The following EFNA3 variants were observed in gnomAD, a reference collection of about 807,000 sequenced individuals.
EFNA3 encodes ephrin A3, also known as ephrin-A3.
Under a neutral mutation model 25.0 loss-of-function variants are expected in EFNA3, and 15 were observed. The observed-to-expected ratio is 0.60, with a 90% confidence interval of 0.40 to 0.92. The LOEUF is 0.92. EFNA3 is among the 40% of genes least tolerant of loss of function. EFNA3 has a pLI of 0.00. For synonymous variants in EFNA3, 153 were observed against 145.6 expected (o/e 1.05, Z -0.37); for missense variants, 298 against 323.8 (o/e 0.92, Z 0.61).
intron 1 of EFNA3, among the ~76,000 whole-genome samples, chr1:155,082,988 T>C (rs1663374312): frequency 6.6e-6 from 1 of 152,184 alleles, no homozygotes; most frequent in Non-Finnish European, 1.5e-5. Flanking sequence ...GGTCTTTCTC[T>C]CACATGCCCA....
chr1:155,086,279 C>A, intron 4 of EFNA3, 74 bp downstream of exon 4: 1 of 1,596,334 alleles, frequency 6.3e-7, no homozygotes, highest in Non-Finnish European at 8.6e-7. Context: ...GCTCACCTCG[C>A]ATGCCTTCCC....
At chr1:155,083,085 G>A (rs1402938158) in intron 1 of EFNA3, among the ~76,000 whole-genome samples, 2 of 152,150 alleles carry the variant, frequency 1.3e-5, no homozygotes, top group African/African-American at 4.8e-5. Flanking sequence ...TGGTCGCCCT[G>A]CAACCTTTTT....
In EFNA3 at chr1:155,081,129, T is replaced by TG. The variant is rs1325890696; in HGVS notation, c.128+2067dup. Among the ~76,000 whole-genome samples the TG allele has an allele frequency of 4.6e-5, 7 of 152,218 alleles. No individual in the cohort carries two copies. The highest frequency in any genetic ancestry group is 1.9e-4 in the East Asian group (1 of 5,184). Reference sequence around the variant, plus strand: ...GGGAGGGTCTTGCGACCCCGCCTCCTGGGGGGGTCACGTGCGTCGGCCTCC... The same window carrying TG: ...GGGAGGGTCTTGCGACCCCGCCTCCTGGGGGGGGTCACGTGCGTCGGCCTCC... On this transcript the variant is annotated intron_variant, in intron 1 of 4. Coordinates refer to ENST00000368408, the MANE Select transcript of EFNA3 (RefSeq NM_004952.5). This position sits in a 1 kb window ranked among gnomAD's most constrained non-coding sequence, Gnocchi z 5.2.
chr1:155,086,729 C>T lies in EFNA3; in HGVS notation c.*186C>T. On this transcript the variant is annotated 3_prime_UTR_variant, in exon 5 of 5. Transcript: ENST00000368408. ...CCCCCACGTAGGGCACTGTAGTGGA[C>T]CAAGCACGGGGACAGCCATGGGTCC... The T allele has an allele frequency of 1.4e-6, 1 of 711,886 alleles. No homozygotes were observed. Among genetic ancestry groups the T allele is most frequent in the Non-Finnish European group, 2.2e-6 (1 of 447,562 alleles). 44.1% of individuals were successfully genotyped at this position (711,886 alleles called of 1,614,324 possible). A position where few individuals can be genotyped will look rare whatever the true frequency, so the allele number is the denominator to read the frequency against.
At position 155,085,118 on chromosome 1, in the gene EFNA3, G is replaced by A. The variant is rs772767810; in HGVS notation, c.156G>A (p.Gln52=). The change falls in exon 2 of 5, where the codon CAG becomes CAA. Residue 52 remains glutamine, a synonymous_variant. Transcript: ENST00000368408. This position sits in a 1 kb window ranked among gnomAD's most constrained non-coding sequence, Gnocchi z 4.4. The part of the protein sequence containing the change: ...QHLRREGYTV[Q]VNVNDYLDIY... ...TGCGGCGAGAGGGCTACACCGTGCA[G>A]GTGAACGTGAACGACTATCTGGATA... 6.2e-7 allele frequency: 1 copy of A among 1,613,808 alleles called. No individual in the cohort carries two copies. The highest frequency in any genetic ancestry group is 8.5e-7 in the Non-Finnish European group (1 of 1,180,028).
rs535251626 is a variant in EFNA3 at position 155,081,701 on chromosome 1, G to C, written c.128+2632G>C. Among the ~76,000 whole-genome samples the C allele has an allele frequency of 1.1e-4, 17 of 151,948 alleles. No individual in the cohort carries two copies. The East Asian group carries it at 3.1e-3, about 28-fold the overall frequency. ...GTCTCCGCCGTCTGTGGGCCTCTCTGGCCTGCCTGTCTCTCCTGTTCTCCA... is the reference window on the plus strand; with the variant it reads ...GTCTCCGCCGTCTGTGGGCCTCTCTCGCCTGCCTGTCTCTCCTGTTCTCCA... On this transcript the variant is annotated intron_variant, in intron 1 of 4. Coordinates refer to ENST00000368408, the MANE Select transcript of EFNA3 (RefSeq NM_004952.5). This position sits in a 1 kb window ranked among gnomAD's most constrained non-coding sequence, Gnocchi z 5.2.
chr1:155,085,553 C>A lies in EFNA3; in HGVS notation c.442+149C>A. 1 of 1,004,634 alleles carries A rather than the reference C, an allele frequency of 1.0e-6. No individual in the cohort carries two copies. Among genetic ancestry groups the A allele is most frequent in the Non-Finnish European group, 1.4e-6 (1 of 704,750 alleles). 62.2% of individuals were successfully genotyped at this position (1,004,634 alleles called of 1,614,324 possible). ...AGGGAGGAGGCGTGGGCACGGGACG[C>A]CTGAGGGGTTCAGCTCAGACGAGGT... On this transcript the variant is annotated intron_variant, in intron 2 of 4. Coordinates refer to ENST00000368408, the MANE Select transcript of EFNA3 (RefSeq NM_004952.5). This position sits in a 1 kb window ranked among gnomAD's most constrained non-coding sequence, Gnocchi z 4.4.
At chr1:155,086,090 C>G in intron 3 of EFNA3, 38 bp from the exon 4 acceptor site, 1 of 1,598,130 alleles carries the variant, frequency 6.3e-7, no homozygotes. Flanking sequence ...GGCCCTGACT[C>G]TCCCCTCCTC....
chr1:155,081,597 C>A lies in EFNA3; in HGVS notation c.128+2528C>A, dbSNP rs1663343695. On this transcript the variant is annotated intron_variant, in intron 1 of 4. Coordinates refer to ENST00000368408, the MANE Select transcript of EFNA3 (RefSeq NM_004952.5). The surrounding 1 kb of genome is among the most constrained non-coding windows in gnomAD (Gnocchi z 5.2). ...CTACTACGTCCCTGATGGTCTTTCT[C>A]TGTGTTTTCTCCCAGTCTCTGAGTC... is the stretch of plus-strand genomic sequence containing the variant. Among the ~76,000 whole-genome samples the A allele has an allele frequency of 6.6e-6, 1 of 152,190 alleles. No homozygotes were observed. The highest frequency in any genetic ancestry group is 6.5e-5 in the Admixed American group (1 of 15,288).
intron 1 of EFNA3, among the ~76,000 whole-genome samples, chr1:155,084,867 T>G (rs1663419025): frequency 6.6e-6 from 1 of 152,090 alleles, no homozygotes; most frequent in South Asian, 2.1e-4. Context: ...TACCCTCTGG[T>G]GGCCAACAGG....
rs1409438524 is a variant in EFNA3, at chr1:155,080,798, C to T, written c.128+1729C>T. On this transcript the variant is annotated intron_variant, in intron 1 of 4. Transcript: ENST00000368408. The surrounding 1 kb of genome is among the most constrained non-coding windows in gnomAD (Gnocchi z 7.0). ...TTCTGTCCTCTCTACTCCGTGCGGG[C>T]CTGGGCCGGCAGAGGTAGGAGGGGG... Among the ~76,000 whole-genome samples, 2 of 152,190 alleles carry T rather than the reference C, an allele frequency of 1.3e-5. No homozygotes were observed. The highest frequency in any genetic ancestry group is 2.9e-5 in the Non-Finnish European group (2 of 68,018).
chr1:155,085,492 C>A lies in EFNA3; in HGVS notation c.442+88C>A. 7.0e-7 allele frequency: 1 copy of A among 1,427,194 alleles called. No homozygotes were observed. The highest frequency in any genetic ancestry group is 9.3e-7 in the Non-Finnish European group (1 of 1,080,736). 88.4% of individuals were successfully genotyped at this position (1,427,194 alleles called of 1,614,324 possible). On this transcript the variant is annotated intron_variant, in intron 2 of 4. Coordinates refer to ENST00000368408, the MANE Select transcript of EFNA3 (RefSeq NM_004952.5). This position sits in a 1 kb window ranked among gnomAD's most constrained non-coding sequence, Gnocchi z 4.4. The stretch of plus-strand genomic sequence containing the variant: ...GGAGCCCCTAGGCTCCGGGGCGGGG[C>A]CGGCGCGGCGGGCGCCAGGTCTCGC...
chr1:155,080,866 C>A lies in EFNA3; in HGVS notation c.128+1797C>A, dbSNP rs754043588. ...GGCTGCCGCCGCCCCCGCCTCGCTTCCCGGGCCTTTGTTGCCGCTGCGCCC... is the reference window on the plus strand; with the variant it reads ...GGCTGCCGCCGCCCCCGCCTCGCTTACCGGGCCTTTGTTGCCGCTGCGCCC... On this transcript the variant is annotated intron_variant, in intron 1 of 4. Transcript: ENST00000368408. This position sits in a 1 kb window ranked among gnomAD's most constrained non-coding sequence, Gnocchi z 7.0. Among the ~76,000 whole-genome samples, 1 of 152,174 alleles carries A rather than the reference C, an allele frequency of 6.6e-6. No homozygotes were observed. Among genetic ancestry groups the A allele is most frequent in the Non-Finnish European group, 1.5e-5 (1 of 68,000 alleles).
intron 1 of EFNA3, among the ~76,000 whole-genome samples, chr1:155,084,658 T>C (rs1201894987): frequency 6.6e-6 from 1 of 152,188 alleles, no homozygotes; most frequent in African/African-American, 2.4e-5. Flanking sequence ...ACGTTCACCC[T>C]TGGCTTCCAT....
Position 155,080,193 on chromosome 1 carries a change from A to G in EFNA3, c.128+1124A>G, listed in dbSNP as rs543659248. 8.7e-4 allele frequency among the ~76,000 whole-genome samples: 132 copies of G among 152,134 alleles called. No individual in the cohort carries two copies. The highest frequency in any genetic ancestry group is 2.9e-3 in the African/African-American group (122 of 41,488). On this transcript the variant is annotated intron_variant, in intron 1 of 4. Coordinates refer to ENST00000368408, the MANE Select transcript of EFNA3 (RefSeq NM_004952.5). The surrounding 1 kb of genome is among the most constrained non-coding windows in gnomAD (Gnocchi z 7.0). ...AGCACTGCCTCTGGCTGCCCACCCCAGGGACCGACCGACCAGGGAGCAAAT... is the reference window on the plus strand; with the variant it reads ...AGCACTGCCTCTGGCTGCCCACCCCGGGGACCGACCGACCAGGGAGCAAAT...
At position 155,079,178 on chromosome 1, in the gene EFNA3, G is replaced by C; in HGVS notation, c.128+109G>C. Reference sequence around the variant, plus strand: ...GGGGTGGGAGTCCTGGGAGACCAGAGCTGGGGGCTGGGAGGGGACGGAGAG... The same window carrying C: ...GGGGTGGGAGTCCTGGGAGACCAGACCTGGGGGCTGGGAGGGGACGGAGAG... On this transcript the variant is annotated intron_variant, in intron 1 of 4. Transcript: ENST00000368408. This position sits in a 1 kb window ranked among gnomAD's most constrained non-coding sequence, Gnocchi z 7.7. 1 of 1,196,444 alleles carries C rather than the reference G, an allele frequency of 8.4e-7. No homozygotes were observed. Among genetic ancestry groups the C allele is most frequent in the Non-Finnish European group, 1.1e-6 (1 of 937,088 alleles). 74.1% of individuals were successfully genotyped at this position (1,196,444 alleles called of 1,614,324 possible).
At position 155,086,164 on chromosome 1, in the gene EFNA3, C is replaced by A. The variant is rs1488774287; in HGVS notation, c.545C>A (p.Pro182His). The change falls in exon 4 of 5, where the codon CCC (proline) becomes CAC (histidine). Residue 182 changes from proline (P) to histidine (H), a missense_variant. By Grantham distance (77) the Pro-to-His change is moderately conservative. Transcript: ENST00000368408. ...GGGGAGAAGCCGGTCCCCACTCTCC[C>A]CCAGTTCACCATGGGCCCCAATGTG... Reference protein sequence around the residue: ...HSGEKPVPTLPQFTMGPNVKI... With the variant: ...HSGEKPVPTLHQFTMGPNVKI... 2.5e-6 allele frequency: 4 copies of A among 1,613,968 alleles called. No individual in the cohort carries two copies. In the Admixed American group the frequency reaches 6.7e-5, roughly 27 times the overall value.
In EFNA3 at chr1:155,079,697, GATGTCGGTGTGTCACACACGCAC is replaced by G. The variant is rs1397780001; in HGVS notation, c.128+630_128+652del. Among the ~76,000 whole-genome samples, 1 of 152,188 alleles carries G rather than the reference GATGTCGGTGTGTCACACACGCAC, an allele frequency of 6.6e-6. No individual in the cohort carries two copies. The highest frequency in any genetic ancestry group is 6.5e-5 in the Admixed American group (1 of 15,286). On this transcript the variant is annotated intron_variant, in intron 1 of 4. Coordinates refer to ENST00000368408, the MANE Select transcript of EFNA3 (RefSeq NM_004952.5). The surrounding 1 kb of genome is among the most constrained non-coding windows in gnomAD (Gnocchi z 7.7). The stretch of plus-strand genomic sequence containing the variant: ...CCGGCGAGACGGAAGGCGGCAGAGA[GATGTCGGTGTGTCACACACGCAC>G]ACACACGCCCGGGCTGGGGACGGCG...
intron 1 of EFNA3, among the ~76,000 whole-genome samples, chr1:155,083,319 G>T (rs1250890231): frequency 6.6e-6 from 1 of 152,206 alleles, no homozygotes; most frequent in African/African-American, 2.4e-5. Flanking sequence ...ACCACTGGAG[G>T]CCCCCTCCCC....
Sources: gnomAD v4.1 joint callset for allele counts (sites outside exome capture counted in the v4.1 genomes callset) on GRCh38, gnomAD v4.1.1 for gene constraint, Gnocchi (gnomAD v3.1) non-coding constraint, MANE v1.5 for transcripts, NCBI Gene and HGNC (gene_info 2026-07-23, HGNC 2026-07-21) for gene names.